Variants in EIF2B3 observed in about 807,000 individuals in gnomAD.
The protein encoded by EIF2B3 is translation initiation factor eIF2B subunit gamma.
Under a neutral mutation model 54.1 loss-of-function variants are expected in EIF2B3, and 20 were observed. The ratio of observed to expected loss-of-function variants is 0.37; its 90% CI spans 0.26 to 0.54. The LOEUF is 0.54. Among genes scored for constraint, EIF2B3 ranks in the 20% least tolerant of loss-of-function variants. The pLI, the probability that EIF2B3 is intolerant of heterozygous loss-of-function variation, is 0.86. For missense variants in EIF2B3, 448 were observed against 547.8 expected, an observed-to-expected ratio of 0.82 and a Z score of 1.82; for synonymous variants, 153 against 188.1, an observed-to-expected ratio of 0.81 and a Z score of 1.52.
chr1:44,937,562 G>A (rs910075574), intron 4 of EIF2B3, among the ~76,000 whole-genome samples: 1 of 152,186 alleles, frequency 6.6e-6, no homozygotes, highest in Non-Finnish European at 1.5e-5. Flanking sequence ...AGGGACTAGA[G>A]AGCATTTCAG....
chr1:44,865,621 G>A (rs142249867), intron 10 of EIF2B3, among the ~76,000 whole-genome samples: 319 of 149,570 alleles, frequency 2.1e-3, no homozygotes, highest in Admixed American at 3.7e-3. Context: ...TGCTCTTGTT[G>A]CTCAGGCTGG....
intron 4 of EIF2B3, among the ~76,000 whole-genome samples, chr1:44,928,955 C>T (rs1231144457): frequency 1.3e-5 from 2 of 152,144 alleles, no homozygotes; most frequent in Non-Finnish European, 2.9e-5. Context: ...AGCCAATTAC[C>T]AGTTTATGTT....
chr1:44,863,379 ATTTT>A (rs1179854328), intron 10 of EIF2B3, among the ~76,000 whole-genome samples: 1 of 152,054 alleles, frequency 6.6e-6, no homozygotes, highest in Non-Finnish European at 1.5e-5. Flanking sequence ...ATTAAAAGTT[ATTTT>A]TTATTATTTA....
At chr1:44,966,069 C>T (rs1299452154) in intron 3 of EIF2B3, among the ~76,000 whole-genome samples, 1 of 152,132 alleles carries the variant, frequency 6.6e-6, no homozygotes, top group Non-Finnish European at 1.5e-5. Context: ...GTCCCCTTAT[C>T]TATTCACAGT....
chr1:44,914,919 G>A (rs1643591806), intron 5 of EIF2B3, among the ~76,000 whole-genome samples: 1 of 152,066 alleles, frequency 6.6e-6, no homozygotes, highest in African/African-American at 2.4e-5. Flanking sequence ...TCGAACTCCT[G>A]ACCTTGTGAT....
rs76153826 is a variant in EIF2B3, at chr1:44,891,500, G to A, written c.656+5855C>T. On this transcript the variant is annotated intron_variant, in intron 6 of 11. Coordinates refer to ENST00000360403, the MANE Select transcript of EIF2B3 (RefSeq NM_020365.5). ...ATCCATCCTCTATTTTGTAGACACA[G>A]TGATTTTTCTAAAGTACAAATCTCA... Among the ~76,000 whole-genome samples the A allele has an allele frequency of 4.7e-3, 715 of 152,270 alleles. 2 individuals carry two copies. Among genetic ancestry groups the A allele is most frequent in the East Asian group, 7.3e-3 (38 of 5,176 alleles).
At chr1:44,982,339 G>T (rs1487040975) in intron 1 of EIF2B3, among the ~76,000 whole-genome samples, 1 of 152,086 alleles carries the variant, frequency 6.6e-6, no homozygotes, top group African/African-American at 2.4e-5. Context: ...CACTCTTGTT[G>T]CCAGGCTGGA....
At chr1:44,956,375 G>C (rs926797670) in intron 3 of EIF2B3, among the ~76,000 whole-genome samples, 3 of 151,966 alleles carry the variant, frequency 2.0e-5, no homozygotes, top group African/African-American at 7.3e-5. Context: ...GGGGTGGGGG[G>C]ACTAGGAGAG....
intron 1 of EIF2B3, among the ~76,000 whole-genome samples, chr1:44,983,172 C>T (rs1180647364): frequency 6.6e-6 from 1 of 152,210 alleles, no homozygotes; most frequent in Non-Finnish European, 1.5e-5. Flanking sequence ...CCTGGGCCTC[C>T]CAAAGTGCTG....
At chr1:44,953,715 C>T (rs1409730930) in intron 3 of EIF2B3, among the ~76,000 whole-genome samples, 1 of 152,144 alleles carries the variant, frequency 6.6e-6, no homozygotes, top group Non-Finnish European at 1.5e-5. Flanking sequence ...ACTGCTTGAG[C>T]CCAGGAGGTC....
At chr1:44,875,545 C>A (rs1655092984) in intron 9 of EIF2B3, 73 bp downstream of exon 9, 4 of 1,452,772 alleles carry the variant, frequency 2.8e-6, no homozygotes, top group Non-Finnish European at 3.9e-6. Flanking sequence ...AGGCCTCAAT[C>A]CGGCTTCTCA....
Position 44,880,156 on chromosome 1 carries a change from TC to T in EIF2B3, c.785-149del. 5 of 817,554 alleles carry T rather than the reference TC, an allele frequency of 6.1e-6. No individual in the cohort carries two copies. In the South Asian group the frequency reaches 7.5e-5, roughly 12 times the overall value. 50.6% of individuals were successfully genotyped at this position (817,554 alleles called of 1,614,324 possible). A position where few individuals can be genotyped will look rare whatever the true frequency, so the allele number is the denominator to read the frequency against. ...GTCTCAAACTCCCAGACTCAAGGGATCCTCCCACCTCAGCTTCCTGAGCAGC... is the reference window on the plus strand; with the variant it reads ...GTCTCAAACTCCCAGACTCAAGGGATCTCCCACCTCAGCTTCCTGAGCAGC... On this transcript the variant is annotated intron_variant, in intron 7 of 11. Transcript: ENST00000360403.
chr1:44,912,630 C>T (rs188020124), intron 5 of EIF2B3, among the ~76,000 whole-genome samples: 3 of 152,270 alleles, frequency 2.0e-5, no homozygotes, highest in Non-Finnish European at 2.9e-5. Flanking sequence ...TTTCCATATC[C>T]GGACCAAATC....
chr1:44,851,099 T>G, intron 11 of EIF2B3, 96 bp from the exon 12 acceptor site: 2 of 1,259,240 alleles, frequency 1.6e-6, no homozygotes. Flanking sequence ...AGTTTCGCTC[T>G]TGTCACCCAG....
chr1:44,858,493 G>C (rs1654506842), intron 10 of EIF2B3, among the ~76,000 whole-genome samples: 1 of 151,936 alleles, frequency 6.6e-6, no homozygotes, highest in African/African-American at 2.4e-5. Flanking sequence ...TTTTCTTTGA[G>C]ATAGGGTCTC....
intron 6 of EIF2B3, among the ~76,000 whole-genome samples, chr1:44,885,277 A>G (rs1288195127): frequency 6.6e-6 from 1 of 152,250 alleles, no homozygotes; most frequent in Non-Finnish European, 1.5e-5. Flanking sequence ...TGCTATGAAT[A>G]GGGCAAAGAA....
chr1:44,971,940 G>T (rs972523952), intron 3 of EIF2B3, among the ~76,000 whole-genome samples: 2 of 152,120 alleles, frequency 1.3e-5, no homozygotes, highest in African/African-American at 4.8e-5. Context: ...GGCTGAGGCA[G>T]GAGAATCGCT....
intron 3 of EIF2B3, among the ~76,000 whole-genome samples, chr1:44,956,177 T>C (rs949609030): frequency 1.3e-5 from 2 of 152,144 alleles, no homozygotes; most frequent in Admixed American, 1.3e-4. Flanking sequence ...TGGAATACTA[T>C]GCAGCCATAA....
chr1:44,973,496 G>C (rs1319893851), intron 3 of EIF2B3, among the ~76,000 whole-genome samples: 1 of 152,138 alleles, frequency 6.6e-6, no homozygotes, highest in Non-Finnish European at 1.5e-5. Context: ...CCAGACGTTC[G>C]AGACTAGCCT....
Sources: allele counts gnomAD v4.1 joint callset (sites outside exome capture counted in the v4.1 genomes callset), GRCh38; gene constraint gnomAD v4.1.1; transcripts MANE v1.5; gene names NCBI Gene and HGNC (gene_info 2026-07-23, HGNC 2026-07-21).